The following MCM3AP variants were observed in gnomAD, a reference collection of about 807,000 sequenced individuals.
MCM3AP encodes the protein germinal-center associated nuclear protein.
Under a neutral mutation model 184.1 loss-of-function variants are expected in MCM3AP, and 126 were observed. The ratio of observed to expected loss-of-function variants is 0.68; its 90% CI spans 0.59 to 0.79. The LOEUF is 0.79. Ranked by LOEUF, MCM3AP falls within the 30% of genes least tolerant of loss-of-function variation. The pLI, the probability that MCM3AP is intolerant of heterozygous loss-of-function variation, is 0.00. For missense variants in MCM3AP, 2,496 were observed against 2,479.2 expected, an observed-to-expected ratio of 1.01 and a Z score of -0.14; for synonymous variants, 1,002 against 979.3, an observed-to-expected ratio of 1.02 and a Z score of -0.43.
chr21:46,265,271 G>A (rs759780772), intron 12 of MCM3AP, 50 bp downstream of exon 12: 6 of 1,566,438 alleles, frequency 3.8e-6, no homozygotes, highest in Non-Finnish European at 5.3e-6. Context: ...AAGGACGTTT[G>A]CGCACAATGG....
Position 46,284,038 on chromosome 21 carries a change from T to C in MCM3AP, c.1219+30A>G, listed in dbSNP as rs17182559. The C allele has an allele frequency of 0.077, 122,902 of 1,589,490 alleles. 5,175 individuals carry two copies. The highest frequency in any genetic ancestry group is 0.13 in the Middle Eastern group (724 of 5,690). On this transcript the variant is annotated intron_variant, in intron 1 of 27. Transcript: ENST00000291688. ...GTATTGAAAACCTGCCTGCAGGATT[T>C]ACTCTATGTGCTACATTTTCAGAGC...
rs576724742 is a variant in MCM3AP at position 46,254,502 on chromosome 21, G to T, written c.4026C>A (p.Asp1342Glu). The change falls in exon 19 of 28, where the codon GAC becomes GAA. Residue 1342 changes from aspartate (D) to glutamate (E), a missense_variant. Asp to Glu is a conservative substitution (Grantham distance 45). Transcript: ENST00000291688. ...LLSDVAWASLDLPSLVAEHLP... is the reference protein window; with the variant it reads ...LLSDVAWASLELPSLVAEHLP... The stretch of plus-strand genomic sequence containing the variant: ...GGTGCTCAGCCACGAGGGATGGCAG[G>T]TCCAGAGACGCCCATGCCACATCAC... The T allele has an allele frequency of 1.9e-6, 3 of 1,614,136 alleles. No homozygotes were observed. The African/African-American group carries it at 4.0e-5, about 22-fold the overall frequency.
Position 46,242,685 on chromosome 21 carries a change from T to A in MCM3AP, c.5426+117A>T, listed in dbSNP as rs1038239471. 5.0e-6 allele frequency: 5 copies of A among 990,356 alleles called. No individual in the cohort carries two copies. The African/African-American group carries it at 8.2e-5, about 16-fold the overall frequency. 61.3% of individuals were successfully genotyped at this position (990,356 alleles called of 1,614,324 possible). On this transcript the variant is annotated intron_variant, in intron 25 of 27. Transcript: ENST00000291688. Reference sequence around the variant, plus strand: ...TGGGAATGATCTGTTCCTTGAGGATTTGTCACAGTCTGCCCACAGTGGACT... The same window carrying A: ...TGGGAATGATCTGTTCCTTGAGGATATGTCACAGTCTGCCCACAGTGGACT...
At position 46,265,188 on chromosome 21, in the gene MCM3AP, C is replaced by T. The variant is rs1380000249; in HGVS notation, c.3234+133G>A. On this transcript the variant is annotated intron_variant, in intron 12 of 27. Transcript: ENST00000291688. ...GTGGGCCCTACCTGAGGCTGAGTGA[C>T]TCTAGGCAGGACCCCTCTCTGGACT... 7 of 751,480 alleles carry T rather than the reference C, an allele frequency of 9.3e-6. No individual in the cohort carries two copies. In the East Asian group the frequency reaches 1.9e-4, roughly 20 times the overall value. The allele number at this position is 751,480 out of a possible 1,614,324, so 46.6% of individuals were successfully genotyped here.
chr21:46,272,658 A>G lies in MCM3AP; in HGVS notation c.2368T>C (p.Tyr790His). 1.9e-6 allele frequency: 3 copies of G among 1,614,220 alleles called. No homozygotes were observed. The highest frequency in any genetic ancestry group is 2.5e-6 in the Non-Finnish European group (3 of 1,180,040). ...ACACCCTTGTTTCTCAGGTCCTGGTACATCTCCTTCAGGCTCTGCAGGCAC... is the reference window on the plus strand; with the variant it reads ...ACACCCTTGTTTCTCAGGTCCTGGTGCATCTCCTTCAGGCTCTGCAGGCAC... ...TKCLQSLKEM[Y>H]QDLRNKGVFC... is the part of the protein sequence containing the mutation. The change falls in exon 8 of 28, where the codon TAC becomes CAC. Residue 790 changes from tyrosine to histidine, a missense_variant. Tyr to His is a moderately conservative substitution (Grantham distance 83). Coordinates refer to ENST00000291688, the MANE Select transcript of MCM3AP (RefSeq NM_003906.5).
Position 46,285,092 on chromosome 21 carries a change from A to G in MCM3AP, c.195T>C (p.Ser65=), listed in dbSNP as rs1047312567. Residue 65 remains serine (S), a synonymous_variant, in exon 1 of 28, where the codon AGT becomes AGC. Transcript: ENST00000291688. ...VSSFPASSGV[S]HSSSVQTLGF... ...CTAATGTTTGCACTGAAGAGGAATGACTTACTCCAGAAGACGCTGGAAAGC... is the reference window on the plus strand; with the variant it reads ...CTAATGTTTGCACTGAAGAGGAATGGCTTACTCCAGAAGACGCTGGAAAGC... 3.1e-6 allele frequency: 5 copies of G among 1,614,220 alleles called. No homozygotes were observed. Among genetic ancestry groups the G allele is most frequent in the Non-Finnish European group, 4.2e-6 (5 of 1,180,038 alleles).
chr21:46,275,066 T>C lies in MCM3AP; in HGVS notation c.1998+120A>G, dbSNP rs2081238837. On this transcript the variant is annotated intron_variant, in intron 6 of 27. Coordinates refer to ENST00000291688, the MANE Select transcript of MCM3AP (RefSeq NM_003906.5). ...CACAATGCAAAACAGCTTAATATGA[T>C]TGTTAATAGCACAAATACCCAACAC... 4 of 1,146,148 alleles carry C rather than the reference T, an allele frequency of 3.5e-6. No homozygotes were observed. The South Asian group carries it at 7.6e-5, about 22-fold the overall frequency. The allele number at this position is 1,146,148 out of a possible 1,614,324, so 71.0% of individuals were successfully genotyped here. A position where few individuals can be genotyped will look rare whatever the true frequency, so the allele number is the denominator to read the frequency against.
At chr21:46,242,320 CT>C (rs373542871) in intron 25 of MCM3AP, 921 of 141,216 alleles carry the variant, frequency 6.5e-3, no homozygotes, top group Middle Eastern at 0.011. Flanking sequence ...CAAGTTAGGA[CT>C]TTTTTTTTTT....
intron 15 of MCM3AP, 152 bp from the exon 16 acceptor site, chr21:46,259,243 C>G (rs752286631): frequency 1.6e-6 from 1 of 634,932 alleles, no homozygotes; most frequent in Non-Finnish European, 2.7e-6. Flanking sequence ...ATCATGAGGT[C>G]AAGAGATCCA....
intron 4 of MCM3AP, among the ~76,000 whole-genome samples, chr21:46,279,380 C>T (rs1005666190): frequency 6.6e-6 from 1 of 152,238 alleles, no homozygotes; most frequent in African/African-American, 2.4e-5. Flanking sequence ...TGGAACTGCA[C>T]TTAACTGCAG....
chr21:46,273,876 G>A (rs1010100217), intron 6 of MCM3AP, among the ~76,000 whole-genome samples: 10 of 152,214 alleles, frequency 6.6e-5, no homozygotes, highest in African/African-American at 2.4e-4. Flanking sequence ...CAGAGAGACG[G>A]GACAGGGAAG....
At chr21:46,286,218 A>G (rs1216241656), upstream of MCM3AP, 1 of 152,186 alleles carries the variant, frequency 6.6e-6, no homozygotes, top group Non-Finnish European at 1.5e-5. Flanking sequence ...AGGCGCAAGC[A>G]CAGGCTGCTG....
intron 21 of MCM3AP, 91 bp from the exon 22 acceptor site, chr21:46,246,495 C>T: frequency 7.2e-7 from 1 of 1,397,896 alleles, no homozygotes; most frequent in Non-Finnish European, 1.0e-6. Context: ...CCCAGTCCTG[C>T]AGTGGACAGT....
At chr21:46,237,024 A>T (rs111700696) in intron 26 of MCM3AP, 45 bp from the exon 27 acceptor site, 1 of 1,252,378 alleles carries the variant, frequency 8.0e-7, no homozygotes, top group Admixed American at 2.9e-5. Flanking sequence ...AGCATTAGGA[A>T]GTTAACTATT....
In MCM3AP at chr21:46,277,618, C is replaced by T. The variant is rs1193636797; in HGVS notation, c.1767G>A (p.Val589=). 6.2e-7 allele frequency: 1 copy of T among 1,612,402 alleles called. No individual in the cohort carries two copies. Among genetic ancestry groups the T allele is most frequent in the Non-Finnish European group, 8.5e-7 (1 of 1,179,262 alleles). ...SEGSEGLGPC[V]LSLSTLIGTV... is the part of the protein sequence containing the mutation. ...TGCCTATCAGGGTACTGAGGGAGAG[C>T]ACACATGGCCCGAGGCCCTCGGAGC... The change falls in exon 5 of 28, where the codon GTG becomes GTA. Residue 589 remains valine (V), a synonymous_variant. Coordinates refer to ENST00000291688, the MANE Select transcript of MCM3AP (RefSeq NM_003906.5).
At chr21:46,246,930 G>T (rs200286327) in intron 20 of MCM3AP, 44 bp from the exon 21 acceptor site, 11 of 1,593,446 alleles carry the variant, frequency 6.9e-6, no homozygotes, top group Non-Finnish European at 9.4e-6. Context: ...ACCATGGGAC[G>T]CATCAGCAGT....
chr21:46,270,007 C>T (rs2081160214), intron 9 of MCM3AP, among the ~76,000 whole-genome samples: 1 of 152,248 alleles, frequency 6.6e-6, no homozygotes, highest in South Asian at 2.1e-4. Context: ...CTGAAAGGAA[C>T]TTAGCGCCAT....
rs369418309 is a variant in MCM3AP, at chr21:46,256,866, G to A, written c.3855C>T (p.Cys1285=). Residue 1285 remains cysteine, a synonymous_variant, in exon 17 of 28, where the codon TGC becomes TGT. Coordinates refer to ENST00000291688, the MANE Select transcript of MCM3AP (RefSeq NM_003906.5). ...TGGCCAGGTTCTCTTCAGCAATGGG[G>A]CACTCTGCGCTGGGCGCCAGCGCCC... ...RLRALAPSAE[C]PIAEENLARG... 21 of 1,585,968 alleles carry A rather than the reference G, an allele frequency of 1.3e-5. No individual in the cohort carries two copies. Among genetic ancestry groups the A allele is most frequent in the Admixed American group, 1.8e-5 (1 of 55,190 alleles).
intron 14 of MCM3AP, 59 bp downstream of exon 14, chr21:46,261,221 G>A (rs2145664259): frequency 6.2e-7 from 1 of 1,602,852 alleles, no homozygotes; most frequent in Non-Finnish European, 8.5e-7. Context: ...GCTAGGGTCA[G>A]TTCTTGCCTG....
Sources: gnomAD v4.1 joint callset for allele counts (sites outside exome capture counted in the v4.1 genomes callset) on GRCh38, gnomAD v4.1.1 for gene constraint, MANE v1.5 for transcripts, NCBI Gene and HGNC (gene_info 2026-07-23, HGNC 2026-07-21) for gene names.